SH3GL3: variants seen among roughly 807,000 people sequenced by gnomAD.
SH3GL3 encodes SH3 domain containing GRB2 like 3, endophilin A3.
Under a neutral mutation model 47.7 loss-of-function variants are expected in SH3GL3, and 33 were observed. The ratio of observed to expected loss-of-function variants is 0.69; its 90% CI spans 0.52 to 0.92. The LOEUF (loss-of-function observed/expected upper bound fraction) is 0.92. Ranked by LOEUF, SH3GL3 falls within the 40% of genes least tolerant of loss-of-function variation. SH3GL3 has a pLI of 0.00. For missense variants in SH3GL3, 363 were observed against 417.8 expected, an observed-to-expected ratio of 0.87 and a Z score of 1.14; for synonymous variants, 155 against 148.8, an observed-to-expected ratio of 1.04 and a Z score of -0.30.
At chr15:83,572,464 A>C in intron 4 of SH3GL3, 101 bp from the exon 5 acceptor site, 1 of 988,312 alleles carries the variant, frequency 1.0e-6, no homozygotes, top group Non-Finnish European at 1.5e-6. Context: ...ACCTTGCTAC[A>C]CCATCATCCA....
chr15:83,570,586 T>C (rs2045767418), intron 4 of SH3GL3, among the ~76,000 whole-genome samples: 1 of 152,212 alleles, frequency 6.6e-6, no homozygotes. Context: ...TTGGATTTAA[T>C]ATATTAAGTA....
In SH3GL3 at chr15:83,618,459, T is replaced by G. The variant is rs1042269182; in HGVS notation, c.*172T>G. On this transcript the variant is annotated 3_prime_UTR_variant, in exon 9 of 9. Coordinates refer to ENST00000427482, the MANE Select transcript of SH3GL3 (RefSeq NM_003027.5). ...TCACTTTAATTTGTATAAATGATTT[T>G]CTTGTCCTTGCTACATGAAAATATT... is the stretch of plus-strand genomic sequence containing the variant. The G allele has an allele frequency of 1.8e-6, 1 of 567,192 alleles. No homozygotes were observed. The highest frequency in any genetic ancestry group is 3.1e-6 in the Non-Finnish European group (1 of 323,210). The allele number at this position is 567,192 out of a possible 1,614,324, so 35.1% of individuals were successfully genotyped here.
intron 3 of SH3GL3, among the ~76,000 whole-genome samples, chr15:83,566,502 C>T (rs1250631650): frequency 6.6e-6 from 1 of 152,090 alleles, no homozygotes; most frequent in Admixed American, 6.5e-5. Context: ...TGGCCAGGCA[C>T]AATGGCTTAT....
chr15:83,504,681 C>T (rs139577144), intron 1 of SH3GL3, among the ~76,000 whole-genome samples: 2 of 152,274 alleles, frequency 1.3e-5, no homozygotes, highest in African/African-American at 4.8e-5. Context: ...GGCAGATCCT[C>T]TGCCTTTCAG....
At chr15:83,502,865 G>T (rs2151610367) in intron 1 of SH3GL3, among the ~76,000 whole-genome samples, 1 of 152,236 alleles carries the variant, frequency 6.6e-6, no homozygotes, top group Admixed American at 6.5e-5. Flanking sequence ...CCATCCTTTG[G>T]AGTATTAGTT....
At chr15:83,567,957 C>CTT (rs397705514) in intron 3 of SH3GL3, among the ~76,000 whole-genome samples, 2 of 140,600 alleles carry the variant, frequency 1.4e-5, no homozygotes, top group African/African-American at 5.2e-5. Flanking sequence ...CCCATCATTT[C>CTT]TTTTTTTTTT....
rs373065706 is a variant in SH3GL3, at chr15:83,551,120, CA to C, written c.46-8130del. Among the ~76,000 whole-genome samples, 52 of 152,278 alleles carry C rather than the reference CA, an allele frequency of 3.4e-4. No individual in the cohort carries two copies. In the South Asian group the frequency reaches 0.011, roughly 32 times the overall value. On this transcript the variant is annotated intron_variant, in intron 1 of 8. Transcript: ENST00000427482. ...CCAAATGCAAAAGCTTCACGTTTCC[CA>C]AATAAATTTCTTTTATAATTTGTCA...
chr15:83,459,897 G>A (rs1387295311), intron 1 of SH3GL3, among the ~76,000 whole-genome samples: 1 of 151,854 alleles, frequency 6.6e-6, no homozygotes, highest in Non-Finnish European at 1.5e-5. Flanking sequence ...CTGGAGTGGT[G>A]ACTCTCACTC....
At chr15:83,530,656 C>T (rs1457561173) in intron 1 of SH3GL3, among the ~76,000 whole-genome samples, 1 of 150,746 alleles carries the variant, frequency 6.6e-6, no homozygotes, top group Non-Finnish European at 1.5e-5. Context: ...CCTTAATTTT[C>T]TGGGATTATG....
chr15:83,468,091 A>C (rs2040659079), intron 1 of SH3GL3, among the ~76,000 whole-genome samples: 1 of 152,330 alleles, frequency 6.6e-6, no homozygotes, highest in East Asian at 1.9e-4. Context: ...TGGCCTCCCA[A>C]AGTGCTGGGA....
intron 1 of SH3GL3, among the ~76,000 whole-genome samples, chr15:83,550,700 A>G (rs2044619342): frequency 6.6e-6 from 1 of 152,082 alleles, no homozygotes; most frequent in Admixed American, 6.6e-5. Context: ...CTCCATTACC[A>G]TTTTAAAGCC....
At chr15:83,583,210 G>C (rs1426985759) in intron 6 of SH3GL3, among the ~76,000 whole-genome samples, 1 of 152,170 alleles carries the variant, frequency 6.6e-6, no homozygotes, top group Non-Finnish European at 1.5e-5. Flanking sequence ...CGTCTGGACA[G>C]GCATCAGCTA....
chr15:83,499,871 C>G (rs1368852311), intron 1 of SH3GL3, among the ~76,000 whole-genome samples: 20 of 152,172 alleles, frequency 1.3e-4, no homozygotes, highest in Non-Finnish European at 2.2e-4. Flanking sequence ...ATGAGGAGAT[C>G]TGAATAAAAT....
At position 83,618,489 on chromosome 15, in the gene SH3GL3, T is replaced by G; in HGVS notation, c.*202T>G. ...TCCTTGCTACATGAAAATATTTTCT[T>G]TTTTGCTTCCTGTCCTAAAAGTCAT... On this transcript the variant is annotated 3_prime_UTR_variant, in exon 9 of 9. Transcript: ENST00000427482. The G allele has an allele frequency of 1.8e-6, 1 of 549,478 alleles. No individual in the cohort carries two copies. Among genetic ancestry groups the G allele is most frequent in the Non-Finnish European group, 3.2e-6 (1 of 308,416 alleles). 34.0% of individuals were successfully genotyped at this position (549,478 alleles called of 1,614,324 possible).
chr15:83,538,062 A>C (rs1045346696), intron 1 of SH3GL3, among the ~76,000 whole-genome samples: 1 of 152,168 alleles, frequency 6.6e-6, no homozygotes, highest in Admixed American at 6.5e-5. Flanking sequence ...TAATGATTAA[A>C]TTTTGAAGTA....
intron 1 of SH3GL3, among the ~76,000 whole-genome samples, chr15:83,540,499 A>G (rs1262497985): frequency 6.6e-6 from 1 of 152,116 alleles, no homozygotes; most frequent in Non-Finnish European, 1.5e-5. Flanking sequence ...TTTTAAATTG[A>G]CTTTTTACAA....
chr15:83,587,858 G>A (rs1265671914), intron 7 of SH3GL3, among the ~76,000 whole-genome samples: 1 of 152,184 alleles, frequency 6.6e-6, no homozygotes, highest in African/African-American at 2.4e-5. Flanking sequence ...TTATGGTAAT[G>A]CATAAATTTG....
At chr15:83,507,824 A>G (rs2042576486) in intron 1 of SH3GL3, among the ~76,000 whole-genome samples, 1 of 152,232 alleles carries the variant, frequency 6.6e-6, no homozygotes, top group Non-Finnish European at 1.5e-5. Context: ...TGTATATCAT[A>G]TGGTAAGCTC....
chr15:83,572,297 T>C (rs2059563021), intron 4 of SH3GL3, among the ~76,000 whole-genome samples: 1 of 152,202 alleles, frequency 6.6e-6, no homozygotes, highest in African/African-American at 2.4e-5. Flanking sequence ...TTTATCCCCA[T>C]CTAGTGGTCC....
Sources: gnomAD v4.1 joint callset for allele counts (sites outside exome capture counted in the v4.1 genomes callset) on GRCh38, gnomAD v4.1.1 for gene constraint, MANE v1.5 for transcripts, NCBI Gene and HGNC (gene_info 2026-07-23, HGNC 2026-07-21) for gene names.